Variants in SMARCC1 observed in about 807,000 individuals in gnomAD.
SMARCC1 encodes SWI/SNF related BAF chromatin remodeling complex subunit C1.
In SMARCC1, 43 loss-of-function variants were observed where a neutral mutation model predicts 147.4. The ratio of observed to expected loss-of-function variants is 0.29; its 90% CI spans 0.23 to 0.38. The LOEUF is 0.38. Ranked by LOEUF, SMARCC1 falls within the 10% of genes least tolerant of loss-of-function variation. The probability of loss-of-function intolerance (pLI) is 1.00; values close to 1 mark genes in which losing one functional copy is unlikely to be tolerated. For missense variants in SMARCC1, 1,119 were observed against 1,381.1 expected (o/e 0.81, Z 3.01); for synonymous variants, 495 against 484.4 (o/e 1.02, Z -0.29).
At chr3:47,768,448 T>G (rs138682532) in intron 2 of SMARCC1, among the ~76,000 whole-genome samples, 2 of 152,158 alleles carry the variant, frequency 1.3e-5, no homozygotes, top group Admixed American at 1.3e-4. Context: ...AGGAGTCAAA[T>G]AGCCTACATA....
At chr3:47,592,713 C>G (rs2106640421) in intron 26 of SMARCC1, among the ~76,000 whole-genome samples, 1 of 152,320 alleles carries the variant, frequency 6.6e-6, no homozygotes. Flanking sequence ...ATCCCCCTGC[C>G]TCAGCCTCTC....
At chr3:47,654,407 T>C (rs2033230836) in intron 21 of SMARCC1, among the ~76,000 whole-genome samples, 1 of 152,212 alleles carries the variant, frequency 6.6e-6, no homozygotes, top group South Asian at 2.1e-4. Context: ...AAGTTAATTT[T>C]CAAACTAAGA....
chr3:47,689,568 T>C, intron 12 of SMARCC1, 144 bp from the exon 13 acceptor site: 3 of 674,222 alleles, frequency 4.4e-6, no homozygotes, highest in South Asian at 1.7e-5. Flanking sequence ...CTCTGAATAA[T>C]TCACTAAATT....
In SMARCC1 at chr3:47,623,136, T is replaced by A. The variant is rs1238120977; in HGVS notation, c.2647-795A>T. Among the ~76,000 whole-genome samples the A allele has an allele frequency of 2.9e-5, 4 of 136,612 alleles. No individual in the cohort carries two copies. In the East Asian group the frequency reaches 8.9e-4, roughly 30 times the overall value. 89.6% of individuals were successfully genotyped at this position (136,612 alleles called of 152,430 possible). A position where few individuals can be genotyped will look rare whatever the true frequency, so the allele number is the denominator to read the frequency against. On this transcript the variant is annotated intron_variant, in intron 24 of 27. Coordinates refer to ENST00000254480, the MANE Select transcript of SMARCC1 (RefSeq NM_003074.4). ...GTTTATCTTGCTTCTACACAAGGCT[T>A]TTTTTTTTTTTTTTTTTTTTAAAGA...
At position 47,633,777 on chromosome 3, in the gene SMARCC1, T is replaced by TACACACACACAC. The variant is rs1207095997; in HGVS notation, c.2646+1412_2646+1413insGTGTGTGTGTGT. Among the ~76,000 whole-genome samples, 33 of 46,512 alleles carry TACACACACACAC rather than the reference T, an allele frequency of 7.1e-4. 1 individual carries two copies. Among genetic ancestry groups the TACACACACACAC allele is most frequent in the African/African-American group, 2.1e-3 (24 of 11,654 alleles). 30.5% of individuals were successfully genotyped at this position (46,512 alleles called of 152,430 possible). A position where few individuals can be genotyped will look rare whatever the true frequency, so the allele number is the denominator to read the frequency against. ...AAAAAAAAAAAAATATATATATATA[T>TACACACACACAC]ATACACACACACACACACACACACA... On this transcript the variant is annotated intron_variant, in intron 24 of 27. Transcript: ENST00000254480.
intron 10 of SMARCC1, among the ~76,000 whole-genome samples, chr3:47,702,148 T>C (rs2033925964): frequency 6.6e-6 from 1 of 150,978 alleles, no homozygotes; most frequent in African/African-American, 2.4e-5. Flanking sequence ...CTAATTCTTT[T>C]GTATAAAATC....
chr3:47,738,717 G>A (rs1163593905), intron 3 of SMARCC1, among the ~76,000 whole-genome samples: 1 of 152,070 alleles, frequency 6.6e-6, no homozygotes, highest in Non-Finnish European at 1.5e-5. Flanking sequence ...AAATTCAGCA[G>A]TATCTGTGTT....
At chr3:47,707,101 A>G (rs998629106) in intron 9 of SMARCC1, among the ~76,000 whole-genome samples, 7 of 152,132 alleles carry the variant, frequency 4.6e-5, no homozygotes, top group African/African-American at 1.7e-4. Context: ...ACTTGAGGCA[A>G]GGAGTTCAAG....
At chr3:47,642,492 A>G (rs1243595505) in intron 21 of SMARCC1, among the ~76,000 whole-genome samples, 1 of 152,054 alleles carries the variant, frequency 6.6e-6, no homozygotes, top group African/African-American at 2.4e-5. Flanking sequence ...CAGGAGGCTG[A>G]GGCAGGAGAA....
rs116935490 is a variant in SMARCC1, at chr3:47,717,928, T to G, written c.716+2738A>C. Among the ~76,000 whole-genome samples, 1,501 of 151,772 alleles carry G rather than the reference T, an allele frequency of 9.9e-3. 13 individuals are homozygous for G. The highest frequency in any genetic ancestry group is 0.017 in the East Asian group (89 of 5,172). On this transcript the variant is annotated intron_variant, in intron 7 of 27. Transcript: ENST00000254480. The stretch of plus-strand genomic sequence containing the variant: ...TAAGATGACAATGGTATTATTACTT[T>G]GAACAGTTTGAGGCCAGGAGGTTGA...
chr3:47,628,059 A>ATATT (rs1553676095), intron 24 of SMARCC1, among the ~76,000 whole-genome samples: 1 of 150,978 alleles, frequency 6.6e-6, no homozygotes, highest in African/African-American at 2.4e-5. Flanking sequence ...ATATATATAT[A>ATATT]TTTTTTCTTT....
At chr3:47,633,777 TATACACACACACAC>T (rs1163330455) in intron 24 of SMARCC1, among the ~76,000 whole-genome samples, 1 of 46,536 alleles carries the variant, frequency 2.1e-5, no homozygotes, top group African/African-American at 8.6e-5. Context: ...TATATATATA[TATACACACACACAC>T]ACACACACAC....
intron 2 of SMARCC1, among the ~76,000 whole-genome samples, chr3:47,754,030 A>G (rs2034659984): frequency 6.6e-6 from 1 of 152,184 alleles, no homozygotes; most frequent in Admixed American, 6.6e-5. Context: ...CTTATCTATT[A>G]AACTTATTTG....
intron 24 of SMARCC1, among the ~76,000 whole-genome samples, chr3:47,631,969 T>C (rs1379004834): frequency 1.3e-5 from 2 of 152,174 alleles, no homozygotes; most frequent in Non-Finnish European, 2.9e-5. Flanking sequence ...AGCATGAGCA[T>C]TTGTACACTT....
chr3:47,703,352 G>A (rs1009337964), intron 10 of SMARCC1, among the ~76,000 whole-genome samples: 1 of 152,136 alleles, frequency 6.6e-6, no homozygotes, highest in African/African-American at 2.4e-5. Context: ...CTGCCCTCCA[G>A]CCTTTATTCT....
intron 6 of SMARCC1, among the ~76,000 whole-genome samples, chr3:47,726,878 T>G (rs2034305472): frequency 6.6e-6 from 1 of 152,152 alleles, no homozygotes; most frequent in Non-Finnish European, 1.5e-5. Flanking sequence ...TATTAGCATG[T>G]GTTAAAATTT....
At chr3:47,642,556 C>CTCCA (rs1468862419) in intron 21 of SMARCC1, among the ~76,000 whole-genome samples, 10 of 152,112 alleles carry the variant, frequency 6.6e-5, no homozygotes, top group Non-Finnish European at 1.3e-4. Context: ...CGCCACTGCA[C>CTCCA]TCCAGCCTGG....
At chr3:47,705,348 C>T (rs1448711254) in intron 10 of SMARCC1, among the ~76,000 whole-genome samples, 4 of 126,550 alleles carry the variant, frequency 3.2e-5, no homozygotes, top group Admixed American at 1.6e-4. Context: ...AAAAAACGAA[C>T]TATAAAAAAT....
intron 21 of SMARCC1, among the ~76,000 whole-genome samples, chr3:47,650,361 T>C (rs778562036): frequency 7.3e-5 from 11 of 150,294 alleles, no homozygotes; most frequent in Non-Finnish European, 1.3e-4. Context: ...GCTAAATAAA[T>C]ATCAAAAAGT....
Sources: gnomAD v4.1 joint callset for allele counts (sites outside exome capture counted in the v4.1 genomes callset) on GRCh38, gnomAD v4.1.1 for gene constraint, MANE v1.5 for transcripts, NCBI Gene and HGNC (gene_info 2026-07-23, HGNC 2026-07-21) for gene names.